Variants in THAP9 observed in about 807,000 individuals in gnomAD.
THAP9 encodes the protein DNA transposase THAP9.
In THAP9, 20 loss-of-function variants were observed where a neutral mutation model predicts 35.7. The observed-to-expected ratio is 0.56, with a 90% confidence interval of 0.39 to 0.81. The LOEUF (loss-of-function observed/expected upper bound fraction) is 0.81, where lower values mean the gene tolerates loss of function less well. THAP9 is among the 40% of genes least tolerant of loss of function. THAP9 has a pLI of 0.00. For missense variants in THAP9, 870 were observed against 1,047.4 expected (o/e 0.83, Z 2.34); for synonymous variants, 335 against 373.7 (o/e 0.90, Z 1.19).
chr4:82,908,633 G>A (rs759628515), intron 4 of THAP9, among the ~76,000 whole-genome samples: 5 of 152,078 alleles, frequency 3.3e-5, no homozygotes, highest in Non-Finnish European at 5.9e-5. Flanking sequence ...TTGTCACCCA[G>A]GCTGCATGCA....
At chr4:82,901,061 T>A in intron 1 of THAP9, 179 bp downstream of exon 1, 2 of 772,832 alleles carry the variant, frequency 2.6e-6, no homozygotes, top group South Asian at 1.5e-5. Context: ...TGAGATTCTC[T>A]CTCTTCCCGC....
intron 2 of THAP9, among the ~76,000 whole-genome samples, chr4:82,905,151 A>G (rs1011976795): frequency 6.6e-6 from 1 of 152,130 alleles, no homozygotes; most frequent in Non-Finnish European, 1.5e-5. Flanking sequence ...ATTTGTCTAG[A>G]TATATATAAA....
At chr4:82,913,079 GATC>G (rs1259733556) in intron 4 of THAP9, among the ~76,000 whole-genome samples, 1 of 151,704 alleles carries the variant, frequency 6.6e-6, no homozygotes, top group Non-Finnish European at 1.5e-5. Flanking sequence ...CTTTTTTTAT[GATC>G]ATAAGAAAAT....
chr4:82,905,411 T>A (rs1720604264), intron 2 of THAP9, among the ~76,000 whole-genome samples: 1 of 152,208 alleles, frequency 6.6e-6, no homozygotes, highest in South Asian at 2.1e-4. Flanking sequence ...CTGTTTCCTA[T>A]GACTGTTTTT....
At chr4:82,912,411 G>A (rs1386294980) in intron 4 of THAP9, among the ~76,000 whole-genome samples, 1 of 152,184 alleles carries the variant, frequency 6.6e-6, no homozygotes, top group Non-Finnish European at 1.5e-5. Flanking sequence ...GTAGCTAAAA[G>A]TCTTAACAGA....
Position 82,918,362 on chromosome 4 carries a change from G to A in THAP9, c.2150G>A (p.Cys717Tyr). 1 of 1,614,154 alleles carries A rather than the reference G, an allele frequency of 6.2e-7. No homozygotes were observed. ...DLSDHRRNLICYAGYVANKLS... is the reference protein window; with the variant it reads ...DLSDHRRNLIYYAGYVANKLS... The stretch of plus-strand genomic sequence containing the variant: ...TCAGATCATAGGCGAAATCTCATCT[G>A]TTATGCTGGTTATGTTGCAAACAAG... Residue 717 changes from cysteine to tyrosine, a missense_variant, in exon 5 of 5, where the codon TGT becomes TAT. Around this residue, in one of 3 missense-constraint regions of THAP9, gnomAD observed 414 missense variants for 500.8 expected, o/e 0.83. Coordinates refer to ENST00000302236, the MANE Select transcript of THAP9 (RefSeq NM_024672.6).
intron 1 of THAP9, among the ~76,000 whole-genome samples, chr4:82,904,221 G>A (rs1016730219): frequency 6.6e-6 from 1 of 151,576 alleles, no homozygotes; most frequent in African/African-American, 2.4e-5. Context: ...CCGCCACCAC[G>A]TCCGGCTAAT....
chr4:82,904,087 G>A (rs1205143013), intron 1 of THAP9, among the ~76,000 whole-genome samples: 2 of 130,982 alleles, frequency 1.5e-5, no homozygotes, highest in African/African-American at 5.8e-5. Context: ...TTTTTGTTAC[G>A]GAGTTTCACT....
Position 82,918,514 on chromosome 4 carries a change from C to A in THAP9, c.2302C>A (p.Leu768Met). 1.2e-6 allele frequency: 2 copies of A among 1,614,136 alleles called. No individual in the cohort carries two copies. Among genetic ancestry groups the A allele is most frequent in the Non-Finnish European group, 1.7e-6 (2 of 1,179,990 alleles). ...TGGTTTGCATTTTCCTTCAGAAAGT[C>A]TGTGTCGGGTCATAAATATTTGTGA... ...KNGLHFPSES[L>M]CRVINICERV... Residue 768 changes from leucine to methionine, a missense_variant, in exon 5 of 5, where the codon CTG becomes ATG. Leu to Met is a conservative substitution (Grantham distance 15). This residue lies in a region of THAP9 where 414 missense variants were observed against 500.8 expected (regional missense o/e 0.83). Coordinates refer to ENST00000302236, the MANE Select transcript of THAP9 (RefSeq NM_024672.6).
chr4:82,905,018 C>T, intron 2 of THAP9, 87 bp downstream of exon 2: 1 of 1,323,590 alleles, frequency 7.6e-7, no homozygotes, highest in Non-Finnish European at 1.0e-6. Flanking sequence ...CTAGAATTTG[C>T]AGACAAAAAA....
chr4:82,900,877 C>T lies in THAP9; in HGVS notation c.75C>T (p.Phe25=). The T allele has an allele frequency of 6.2e-7, 1 of 1,613,402 alleles. No homozygotes were observed. The highest frequency in any genetic ancestry group is 1.1e-5 in the South Asian group (1 of 91,080). The change falls in exon 1 of 5, where the codon TTC becomes TTT. Residue 25 remains phenylalanine (F), a synonymous_variant. Transcript: ENST00000302236. ...TCAGCCGGGAGCGCGGCCTCTCCTTCCACCAGTGCGTATGGGAGCAGCCTC... is the reference window on the plus strand; with the variant it reads ...TCAGCCGGGAGCGCGGCCTCTCCTTTCACCAGTGCGTATGGGAGCAGCCTC... ...TVLSRERGLS[F]HQFPTDTIQR... is the part of the protein sequence containing the mutation.
At chr4:82,902,170 A>AC (rs1720439904) in intron 1 of THAP9, among the ~76,000 whole-genome samples, 1 of 123,648 alleles carries the variant, frequency 8.1e-6, no homozygotes, top group Non-Finnish European at 1.6e-5. Flanking sequence ...GAGCAGTGGC[A>AC]CTATCACAGC....
At position 82,919,059 on chromosome 4, in the gene THAP9, A is replaced by T; in HGVS notation, c.*135A>T. ...CAATTCTGACTTATTAAAATTTCAAATTCTGCATATCACAAAATCTCCTTA... is the reference window on the plus strand; with the variant it reads ...CAATTCTGACTTATTAAAATTTCAATTTCTGCATATCACAAAATCTCCTTA... On this transcript the variant is annotated 3_prime_UTR_variant, in exon 5 of 5. Transcript: ENST00000302236. 1 of 687,018 alleles carries T rather than the reference A, an allele frequency of 1.5e-6. No homozygotes were observed. 42.6% of individuals were successfully genotyped at this position (687,018 alleles called of 1,614,324 possible).
Position 82,918,706 on chromosome 4 carries a change from T to C in THAP9, c.2494T>C (p.Phe832Leu), listed in dbSNP as rs756766164. The change falls in exon 5 of 5, where the codon TTT becomes CTT. Residue 832 changes from phenylalanine to leucine, a missense_variant. This residue lies in a region of THAP9 where 414 missense variants were observed against 500.8 expected (regional missense o/e 0.83). Transcript: ENST00000302236. The part of the protein sequence containing the change: ...FDGEVCAINH[F>L]VKLLKDIIIC... Reference sequence around the variant, plus strand: ...TGGAGAAGTGTGTGCCATCAATCACTTTGTCAAGTTGCTAAAGGATATAAT... The same window carrying C: ...TGGAGAAGTGTGTGCCATCAATCACCTTGTCAAGTTGCTAAAGGATATAAT... 6.2e-7 allele frequency: 1 copy of C among 1,614,022 alleles called. No individual in the cohort carries two copies. Among genetic ancestry groups the C allele is most frequent in the Non-Finnish European group, 8.5e-7 (1 of 1,179,936 alleles).
chr4:82,910,367 T>C (rs4693527), intron 4 of THAP9: 149,949 of 153,040 alleles, frequency 0.98, 73,542 homozygotes, highest in East Asian at 1. Flanking sequence ...GTGAAAAACA[T>C]AGTACTTCGC....
chr4:82,912,106 T>C (rs1720885444), intron 4 of THAP9, among the ~76,000 whole-genome samples: 1 of 152,228 alleles, frequency 6.6e-6, no homozygotes, highest in Admixed American at 6.5e-5. Context: ...CTGGATTCTT[T>C]ATGTCCAAAA....
At chr4:82,912,481 A>G (rs1210747608) in intron 4 of THAP9, among the ~76,000 whole-genome samples, 1 of 152,236 alleles carries the variant, frequency 6.6e-6, no homozygotes, top group Admixed American at 6.5e-5. Flanking sequence ...ATTTTAGGCC[A>G]CCCAAGTGAC....
Position 82,916,812 on chromosome 4 carries a change from T to C in THAP9, c.732-132T>C, listed in dbSNP as rs1342635821. The C allele has an allele frequency of 8.2e-5, 46 of 562,262 alleles. No individual in the cohort carries two copies. The Admixed American group carries it at 1.5e-3, about 18-fold the overall frequency. 34.8% of individuals were successfully genotyped at this position (562,262 alleles called of 1,614,324 possible). A position where few individuals can be genotyped will look rare whatever the true frequency, so the allele number is the denominator to read the frequency against. On this transcript the variant is annotated intron_variant, in intron 4 of 4. Coordinates refer to ENST00000302236, the MANE Select transcript of THAP9 (RefSeq NM_024672.6). ...ATGAATTTACCATTGAAAATATCTA[T>C]AGAATTTGGCTGCTTATATACTTGG...
At chr4:82,904,176 G>A (rs1397493346) in intron 1 of THAP9, among the ~76,000 whole-genome samples, 7 of 148,488 alleles carry the variant, frequency 4.7e-5, no homozygotes, top group African/African-American at 1.7e-4. Context: ...AGATTCTCCT[G>A]CCTCAGCCTC....
Sources: allele counts gnomAD v4.1 joint callset (sites outside exome capture counted in the v4.1 genomes callset), GRCh38; gene constraint gnomAD v4.1.1; regional missense constraint gnomAD v4.1.1; transcripts MANE v1.5; gene names NCBI Gene and HGNC (gene_info 2026-07-23, HGNC 2026-07-21).